The following GNG12 variants were observed in gnomAD, a reference collection of about 807,000 sequenced individuals.
GNG12 encodes the protein G protein subunit gamma 12, also known as guanine nucleotide-binding protein G(I)/G(S)/G(O) subunit gamma-12.
For missense variants in GNG12, 69 were observed against 83.8 expected, an observed-to-expected ratio of 0.82 and a Z score of 0.69; for synonymous variants, 28 against 29.7, an observed-to-expected ratio of 0.94 and a Z score of 0.19.
At chr1:67,788,310 C>G (rs779821215) in intron 1 of GNG12, among the ~76,000 whole-genome samples, 12 of 152,002 alleles carry the variant, frequency 7.9e-5, no homozygotes, top group African/African-American at 2.9e-4. Flanking sequence ...AAATATCTTT[C>G]AGCTTTAACT....
chr1:67,774,661 A>G (rs1570537029), intron 2 of GNG12, among the ~76,000 whole-genome samples: 1 of 152,220 alleles, frequency 6.6e-6, no homozygotes, highest in East Asian at 1.9e-4. Context: ...CTGAGCATCC[A>G]CACCTACTCT....
intron 1 of GNG12, among the ~76,000 whole-genome samples, chr1:67,809,541 A>G (rs1311587126): frequency 5.9e-5 from 9 of 152,226 alleles, no homozygotes; most frequent in Admixed American, 3.3e-4. Context: ...CTGATAAAGG[A>G]CTGTTATCCA....
chr1:67,827,296 C>T (rs1647016466), intron 1 of GNG12, among the ~76,000 whole-genome samples: 1 of 152,126 alleles, frequency 6.6e-6, no homozygotes, highest in Admixed American at 6.5e-5. Flanking sequence ...CCAAAGTCAC[C>T]CACTTATTAT....
intron 1 of GNG12, among the ~76,000 whole-genome samples, chr1:67,818,374 A>G (rs1570573493): frequency 6.7e-6 from 1 of 150,228 alleles, no homozygotes; most frequent in African/African-American, 2.4e-5. Flanking sequence ...GTGGGGACAC[A>G]GAAGTGCTTC....
chr1:67,824,509 C>CAAAAA lies in GNG12; in HGVS notation c.-77+8830_-77+8834dup, dbSNP rs35736017. On this transcript the variant is annotated intron_variant, in intron 1 of 3. Transcript: ENST00000370982. ...AGGATGACAGACTGAGATCCTGTCT[C>CAAAAA]AAAAAAAAAAAAAAAAAAAGGAAGC... 6.4e-4 allele frequency among the ~76,000 whole-genome samples: 60 copies of CAAAAA among 94,054 alleles called. 2 individuals are homozygous for CAAAAA. Among genetic ancestry groups the CAAAAA allele is most frequent in the African/African-American group, 2.2e-3 (50 of 23,230 alleles). 61.7% of individuals were successfully genotyped at this position (94,054 alleles called of 152,430 possible).
intron 1 of GNG12, among the ~76,000 whole-genome samples, chr1:67,803,402 A>T (rs1646877764): frequency 6.6e-6 from 1 of 152,192 alleles, no homozygotes; most frequent in East Asian, 1.9e-4. Context: ...GTTTCTCCTT[A>T]TATGGTGACA....
At chr1:67,803,576 C>T (rs766600368) in intron 1 of GNG12, among the ~76,000 whole-genome samples, 1 of 152,152 alleles carries the variant, frequency 6.6e-6, no homozygotes. Context: ...TGTGCCATAT[C>T]TATAATGAGT....
intron 2 of GNG12, among the ~76,000 whole-genome samples, chr1:67,718,792 G>T (rs376596536): frequency 1.3e-5 from 2 of 152,024 alleles, no homozygotes; most frequent in African/African-American, 4.8e-5. Flanking sequence ...GCTTTCCCAG[G>T]AACCCCCAGG....
At chr1:67,755,416 G>T (rs1646562364) in intron 2 of GNG12, among the ~76,000 whole-genome samples, 1 of 152,106 alleles carries the variant, frequency 6.6e-6, no homozygotes, top group African/African-American at 2.4e-5. Context: ...TCTTGTTTTA[G>T]ACTGTGGTCT....
At chr1:67,787,003 A>T in intron 1 of GNG12, among the ~76,000 whole-genome samples, 1 of 141,168 alleles carries the variant, frequency 7.1e-6, no homozygotes, top group South Asian at 2.3e-4. Flanking sequence ...ATATATGTGT[A>T]TATCTGTGTG....
intron 2 of GNG12, among the ~76,000 whole-genome samples, chr1:67,767,139 A>G (rs994144506): frequency 7.9e-5 from 12 of 152,150 alleles, no homozygotes; most frequent in African/African-American, 2.9e-4. Flanking sequence ...GTTGCCAGTG[A>G]AAGATCCTGA....
rs1336642112 is a variant in GNG12, at chr1:67,818,412, G to GT, written c.-77+14931_-77+14932insA. On this transcript the variant is annotated intron_variant, in intron 1 of 3. Coordinates refer to ENST00000370982, the MANE Select transcript of GNG12 (RefSeq NM_018841.6). ...AAATTATTCATGGGGAAAGACCAGG[G>GT]GTTTTTTTTTTTTTTTTTTTTTTTT... is the stretch of plus-strand genomic sequence containing the variant. Among the ~76,000 whole-genome samples, 488 of 112,578 alleles carry GT rather than the reference G, an allele frequency of 4.3e-3. 10 individuals carry two copies. Among genetic ancestry groups the GT allele is most frequent in the African/African-American group, 0.013 (339 of 25,416 alleles). 73.9% of individuals were successfully genotyped at this position (112,578 alleles called of 152,430 possible).
intron 2 of GNG12, among the ~76,000 whole-genome samples, chr1:67,709,878 TTA>T (rs1165700891): frequency 6.2e-4 from 74 of 119,712 alleles, no homozygotes; most frequent in African/African-American, 2.0e-3. Context: ...ATATATATAT[TTA>T]TATATATAGT....
Position 67,722,381 on chromosome 1 carries a change from A to G in GNG12, c.-26-14669T>C, listed in dbSNP as rs192844576. 2.3e-3 allele frequency among the ~76,000 whole-genome samples: 354 copies of G among 152,272 alleles called. 2 individuals carry two copies. Among genetic ancestry groups the G allele is most frequent in the African/African-American group, 8.1e-3 (335 of 41,570 alleles). On this transcript the variant is annotated intron_variant, in intron 2 of 3. Coordinates refer to ENST00000370982, the MANE Select transcript of GNG12 (RefSeq NM_018841.6). Reference sequence around the variant, plus strand: ...CCAGCTGGGGCTGGGCTTCACCAACAAACAATGAATGTGGGCGACTGGGCT... The same window carrying G: ...CCAGCTGGGGCTGGGCTTCACCAACGAACAATGAATGTGGGCGACTGGGCT...
intron 1 of GNG12, among the ~76,000 whole-genome samples, chr1:67,820,695 A>G (rs1646980051): frequency 1.3e-5 from 2 of 152,218 alleles, no homozygotes; most frequent in Admixed American, 1.3e-4. Context: ...CAAGCACAGT[A>G]TTCAACCTCT....
intron 1 of GNG12, among the ~76,000 whole-genome samples, chr1:67,809,840 A>G (rs539849083): frequency 6.6e-6 from 1 of 152,346 alleles, no homozygotes; most frequent in South Asian, 2.1e-4. Flanking sequence ...AAAATGGTAC[A>G]TCCACTTTGG....
chr1:67,742,310 C>A (rs1646486960), intron 2 of GNG12, among the ~76,000 whole-genome samples: 2 of 152,152 alleles, frequency 1.3e-5, no homozygotes, highest in African/African-American at 4.8e-5. Context: ...TACTCTAAAA[C>A]AATCTAATCT....
intron 2 of GNG12, among the ~76,000 whole-genome samples, chr1:67,720,710 A>G (rs183106226): frequency 6.6e-6 from 1 of 152,354 alleles, no homozygotes; most frequent in East Asian, 1.9e-4. Context: ...TTCTAAAAGA[A>G]TATATACATG....
intron 3 of GNG12, among the ~76,000 whole-genome samples, chr1:67,707,173 C>T (rs1646254289): frequency 6.6e-6 from 1 of 152,222 alleles, no homozygotes; most frequent in Non-Finnish European, 1.5e-5. Context: ...CTTCATTTCC[C>T]TAAAAAGGAA....
Sources: gnomAD v4.1 joint callset for allele counts (sites outside exome capture counted in the v4.1 genomes callset) on GRCh38, gnomAD v4.1.1 for gene constraint, MANE v1.5 for transcripts, NCBI Gene and HGNC (gene_info 2026-07-23, HGNC 2026-07-21) for gene names.